UNC45A: variants seen among roughly 807,000 people sequenced by gnomAD.
The protein encoded by UNC45A is protein unc-45 homolog A.
Under a neutral mutation model 103.2 loss-of-function variants are expected in UNC45A, and 78 were observed. That is an observed-to-expected ratio of 0.76 (90% CI 0.63 to 0.91). The LOEUF is 0.91. UNC45A is among the 40% of genes least tolerant of loss of function. UNC45A has a pLI of 0.00. For missense variants in UNC45A, 1,193 were observed against 1,224.8 expected (o/e 0.97, Z 0.39); for synonymous variants, 495 against 504.6 (o/e 0.98, Z 0.25).
At chr15:90,931,473 T>C, upstream of UNC45A, 1 of 1,614,134 alleles carries the variant, frequency 6.2e-7, no homozygotes, top group South Asian at 1.1e-5. Flanking sequence ...CCCCACTTCC[T>C]GGCAAGCTTG....
intron 4 of UNC45A, among the ~76,000 whole-genome samples, chr15:90,938,227 G>A (rs867933934): frequency 3.9e-5 from 6 of 152,120 alleles, no homozygotes; most frequent in African/African-American, 9.7e-5. Context: ...TGCATCACCT[G>A]TTCATATTTT....
chr15:90,932,588 G>A (rs1485927410), upstream of UNC45A: 16 of 1,139,324 alleles, frequency 1.4e-5, no homozygotes, highest in Non-Finnish European at 1.8e-5. Flanking sequence ...GGGACGGAAC[G>A]TTTACAGCGC....
chr15:90,930,531 AT>A (rs981385882), upstream of UNC45A: 5 of 151,416 alleles, frequency 3.3e-5, no homozygotes, highest in South Asian at 2.1e-4. Flanking sequence ...CGCCCGGCTA[AT>A]TTTTTTTTGT....
upstream of UNC45A, chr15:90,934,454 C>T: frequency 2.5e-6 from 1 of 399,090 alleles, no homozygotes; most frequent in Non-Finnish European, 4.4e-6. Context: ...ACTGCTGCCA[C>T]CTGCAGGCTG....
At chr15:90,945,168 T>A in intron 9 of UNC45A, 105 bp downstream of exon 9, 1 of 1,455,516 alleles carries the variant, frequency 6.9e-7, no homozygotes, top group Non-Finnish European at 9.2e-7. Flanking sequence ...AACAGTAATC[T>A]TGGGGAGGAC....
chr15:90,946,942 G>GGGGC, intron 10 of UNC45A, 28 bp downstream of exon 10: 42 of 817,090 alleles, frequency 5.1e-5, no homozygotes, highest in Non-Finnish European at 7.4e-5. Flanking sequence ...GGGTGGGTGG[G>GGGGC]CAGGCAGCCA....
Position 90,944,913 on chromosome 15 carries a change from T to C in UNC45A, c.1049T>C (p.Val350Ala), listed in dbSNP as rs529996601. ...IDQGLKKILE[V>A]GGSLQDPPGE... ...ACAGGTCTGAAAAAGATTTTGGAAGTGGGGGGCTCTCTACAGGACCCTCCT... is the reference window on the plus strand; with the variant it reads ...ACAGGTCTGAAAAAGATTTTGGAAGCGGGGGGCTCTCTACAGGACCCTCCT... Residue 350 changes from valine to alanine, a missense_variant, in exon 9 of 20, where the codon GTG (valine) becomes GCG (alanine). Transcript: ENST00000418476. The C allele has an allele frequency of 6.2e-7, 1 of 1,612,188 alleles. No homozygotes were observed. Among genetic ancestry groups the C allele is most frequent in the African/African-American group, 1.3e-5 (1 of 74,976 alleles).
In UNC45A at chr15:90,953,156, T is replaced by C. The variant is rs144275211; in HGVS notation, c.2423T>C (p.Val808Ala). 2.9e-4 allele frequency: 461 copies of C among 1,613,372 alleles called. No individual in the cohort carries two copies. Among genetic ancestry groups the C allele is most frequent in the Non-Finnish European group, 3.8e-4 (445 of 1,179,744 alleles). The change falls in exon 19 of 20, where the codon GTG (valine) becomes GCG (alanine). Residue 808 changes from valine to alanine, a missense_variant and splice_region_variant. Coordinates refer to ENST00000418476, the MANE Select transcript of UNC45A (RefSeq NM_018671.5). Reference sequence around the variant, plus strand: ...TCCACTCCTCACATCTGGCCACAGGTGCAGGACCTCTTCGAAGCCCAGGGC... The same window carrying C: ...TCCACTCCTCACATCTGGCCACAGGCGCAGGACCTCTTCGAAGCCCAGGGC... ...CMCNLAMSKEVQDLFEAQGND... is the reference protein window; with the variant it reads ...CMCNLAMSKEAQDLFEAQGND...
intron 11 of UNC45A, 49 bp from the exon 12 acceptor site, chr15:90,948,093 C>T: frequency 6.2e-7 from 1 of 1,609,408 alleles, no homozygotes; most frequent in African/African-American, 1.3e-5. Flanking sequence ...TGGTGTACCC[C>T]TCCGTACCCC....
rs780247504 is a variant in UNC45A, at chr15:90,935,618, G to A, written c.126G>A (p.Ala42=). 3.1e-6 allele frequency: 5 copies of A among 1,613,112 alleles called. No individual in the cohort carries two copies. In the South Asian group the frequency reaches 3.3e-5, roughly 11 times the overall value. The change falls in exon 2 of 20, where the codon GCG becomes GCA. Residue 42 remains alanine (A), a synonymous_variant. Transcript: ENST00000418476. ...GTGGAGACTACGGGGGCGCCCTGGC[G>A]GCCTACACTCAGGCCCTGGGTCTGG... ...FKCGDYGGAL[A]AYTQALGLDA... is the part of the protein sequence containing the mutation.
chr15:90,945,589 G>A (rs1298289077), intron 9 of UNC45A, among the ~76,000 whole-genome samples: 3 of 150,642 alleles, frequency 2.0e-5, no homozygotes, highest in Admixed American at 6.6e-5. Flanking sequence ...TCGAACTCCC[G>A]ACCTCAGGTG....
chr15:90,951,620 A>G (rs865999307), intron 17 of UNC45A, among the ~76,000 whole-genome samples: 2 of 152,156 alleles, frequency 1.3e-5, no homozygotes, highest in African/African-American at 4.8e-5. Flanking sequence ...ATTAAAGAGA[A>G]TATCAGGAAG....
At chr15:90,952,566 G>A (rs575351144) in intron 17 of UNC45A, 33 of 212,892 alleles carry the variant, frequency 1.6e-4, no homozygotes, top group South Asian at 8.6e-4. Context: ...GACTACAGGC[G>A]CGCACCAGCA....
chr15:90,950,654 C>A, intron 17 of UNC45A, 39 bp downstream of exon 17: 1 of 1,595,844 alleles, frequency 6.3e-7, no homozygotes. Context: ...GACCAGGCAT[C>A]GGGATTCGGA....
At chr15:90,937,431 A>T (rs1309715486) in intron 4 of UNC45A, among the ~76,000 whole-genome samples, 3 of 152,144 alleles carry the variant, frequency 2.0e-5, no homozygotes, top group Non-Finnish European at 4.4e-5. Flanking sequence ...ACATAGCAAA[A>T]CAATGCTATA....
Position 90,942,494 on chromosome 15 carries a change from G to T in UNC45A, c.745G>T (p.Glu249Ter). The T allele has an allele frequency of 6.2e-7, 1 of 1,614,152 alleles. No individual in the cohort carries two copies. Among genetic ancestry groups the T allele is most frequent in the Non-Finnish European group, 8.5e-7 (1 of 1,180,012 alleles). The part of the protein sequence containing the change: ...TRRVVSILGV[E>*]SQAVSLAACH... ...GCGAGTAGTCTCCATCCTGGGCGTGGAAAGCCAGGCTGTGTCCCTGGCTGC... is the reference window on the plus strand; with the variant it reads ...GCGAGTAGTCTCCATCCTGGGCGTGTAAAGCCAGGCTGTGTCCCTGGCTGC... Residue 249 changes from glutamate to a stop codon, truncating the protein, a stop_gained, in exon 7 of 20, where the codon GAA becomes TAA. Transcript: ENST00000418476. LOFTEE classifies it high-confidence loss of function.
chr15:90,948,929 T>G (rs2036734917), intron 13 of UNC45A, 135 bp downstream of exon 13: 1 of 1,128,170 alleles, frequency 8.9e-7, no homozygotes. Context: ...CAGGCTGGAG[T>G]GCAGTGATGC....
At position 90,935,968 on chromosome 15, in the gene UNC45A, C is replaced by A; in HGVS notation, c.236C>A (p.Thr79Lys). The change falls in exon 3 of 20, where the codon ACA (threonine) becomes AAA (lysine). Residue 79 changes from threonine to lysine, a missense_variant. By Grantham distance (78) the Thr-to-Lys change is moderately conservative. Transcript: ENST00000418476. ...CAGGAAGATTACGACAAAGCAGAAA[C>A]AGAGGCATCCAAAGGTAGGGGAATG... ...LKLEDYDKAETEASKAIEKDG... is the reference protein window; with the variant it reads ...LKLEDYDKAEKEASKAIEKDG... The A allele has an allele frequency of 1.2e-6, 2 of 1,614,092 alleles. No homozygotes were observed. Among genetic ancestry groups the A allele is most frequent in the Non-Finnish European group, 1.7e-6 (2 of 1,180,020 alleles).
chr15:90,946,939 T>TGGGCGTGGGGGGGGG, intron 10 of UNC45A, 25 bp downstream of exon 10: 1 of 839,542 alleles, frequency 1.2e-6, no homozygotes. Flanking sequence ...CTGGGGTGGG[T>TGGGCGTGGGGGGGGG]GGGCAGGCAG....
Sources: gnomAD v4.1 joint callset for allele counts (sites outside exome capture counted in the v4.1 genomes callset) on GRCh38, gnomAD v4.1.1 for gene constraint, MANE v1.5 for transcripts, NCBI Gene and HGNC (gene_info 2026-07-23, HGNC 2026-07-21) for gene names.